FIBP: variants seen among roughly 807,000 people sequenced by gnomAD.
FIBP encodes FGF1 intracellular binding protein.
Under a neutral mutation model 40.5 loss-of-function variants are expected in FIBP, and 29 were observed. That is an observed-to-expected ratio of 0.72 (90% CI 0.53 to 0.98). The LOEUF is 0.98. FIBP is among the 50% of genes least tolerant of loss of function. FIBP has a pLI of 0.00. For synonymous variants in FIBP, 215 were observed against 191.1 expected, an observed-to-expected ratio of 1.13 and a Z score of -1.03; for missense variants, 411 against 470.2, an observed-to-expected ratio of 0.87 and a Z score of 1.16.
chr11:65,887,470 G>T, intron 3 of FIBP, 130 bp downstream of exon 3: 2 of 1,045,410 alleles, frequency 1.9e-6, no homozygotes, highest in Non-Finnish European at 2.9e-6. Context: ...AAAAGGAGGG[G>T]AAAGGGGAAG....
In FIBP at chr11:65,887,899, T is replaced by C. The variant is rs745653687; in HGVS notation, c.284+35A>G. On this transcript the variant is annotated intron_variant, in intron 2 of 9. Coordinates refer to ENST00000357519, the MANE Select transcript of FIBP (RefSeq NM_004214.5). ...CGGCAAAATGGGTATACAGTCAGAC[T>C]GGTTGATGTCTCCACCATCCCAGAG... 9.3e-6 allele frequency: 15 copies of C among 1,605,740 alleles called. No individual in the cohort carries two copies. In the South Asian group the frequency reaches 1.6e-4, roughly 17 times the overall value.
chr11:65,887,464 G>T, intron 3 of FIBP, 136 bp downstream of exon 3: 4 of 871,840 alleles, frequency 4.6e-6, no homozygotes, highest in Non-Finnish European at 7.2e-6. Flanking sequence ...AAAAAAAAAA[G>T]GAGGGGAAAG....
At chr11:65,887,086 G>C in intron 3 of FIBP, 1 of 226,830 alleles carries the variant, frequency 4.4e-6, no homozygotes, top group South Asian at 5.4e-5. Context: ...AGTTTATCAG[G>C]GGTCTGATAA....
At position 65,884,474 on chromosome 11, in the gene FIBP, G is replaced by A. The variant is rs115308499; in HGVS notation, c.922C>T (p.Arg308Cys). Residue 308 changes from arginine to cysteine, a missense_variant, in exon 9 of 10, where the codon CGC (arginine) becomes TGC (cysteine). Transcript: ENST00000357519. ...TCGCTGAGTGGCCAGTGGTCGGAGC[G>A]GCAGGGTTCCACAAACTGCGGGCCC... ...DLVEKFVEPCRSDHWPLSDVR... is the reference protein window; with the variant it reads ...DLVEKFVEPCCSDHWPLSDVR... The A allele has an allele frequency of 1.9e-5, 30 of 1,614,156 alleles. No homozygotes were observed. Among genetic ancestry groups the A allele is most frequent in the South Asian group, 3.3e-5 (3 of 91,074 alleles).
In FIBP at chr11:65,883,957, G is replaced by A. The variant is rs894642407; in HGVS notation, c.*17C>T. The A allele has an allele frequency of 3.7e-6, 6 of 1,612,148 alleles. No homozygotes were observed. The highest frequency in any genetic ancestry group is 1.1e-5 in the South Asian group (1 of 90,918). Reference sequence around the variant, plus strand: ...AGCAACTTTATTGTCAGCGTGGGCGGAGCGTTGGGAGGCACCTCAGTCATG... The same window carrying A: ...AGCAACTTTATTGTCAGCGTGGGCGAAGCGTTGGGAGGCACCTCAGTCATG... On this transcript the variant is annotated 3_prime_UTR_variant, in exon 10 of 10. Coordinates refer to ENST00000357519, the MANE Select transcript of FIBP (RefSeq NM_004214.5).
rs1860154459 is a variant in FIBP at position 65,883,816 on chromosome 11, G to A, written c.*158C>T. ...CCTGAGATATGTCTCAGTTCCCAAGGAGCCACTGTACACATCCATCCTTGT... is the reference window on the plus strand; with the variant it reads ...CCTGAGATATGTCTCAGTTCCCAAGAAGCCACTGTACACATCCATCCTTGT... On this transcript the variant is annotated 3_prime_UTR_variant, in exon 10 of 10. Transcript: ENST00000357519. The A allele has an allele frequency of 2.7e-6, 2 of 750,026 alleles. No homozygotes were observed. The highest frequency in any genetic ancestry group is 4.6e-5 in the Admixed American group (2 of 43,014). 46.5% of individuals were successfully genotyped at this position (750,026 alleles called of 1,614,324 possible).
intron 1 of FIBP, 88 bp from the exon 2 acceptor site, chr11:65,888,220 T>C (rs1860296039): frequency 3.4e-6 from 5 of 1,472,204 alleles, no homozygotes; most frequent in African/African-American, 1.4e-5. Context: ...TAACACCTCT[T>C]ATTCCCAGGC....
intron 5 of FIBP, 50 bp from the exon 6 acceptor site, chr11:65,885,236 G>T: frequency 7.4e-7 from 1 of 1,344,248 alleles, no homozygotes; most frequent in Non-Finnish European, 1.1e-6. Flanking sequence ...CCCCTCCTGT[G>T]ATAGCCTAAG....
chr11:65,887,657 T>C lies in FIBP; in HGVS notation c.354A>G (p.Lys118=). The C allele has an allele frequency of 6.2e-7, 1 of 1,614,144 alleles. No homozygotes were observed. The highest frequency in any genetic ancestry group is 8.5e-7 in the Non-Finnish European group (1 of 1,180,014). The part of the protein sequence containing the change: ...LGKKLSKGTK[K]DLDDISTKTG... ...TTTTGGTGCTGATGTCATCCAGGTC[T>C]TTCTTGGTGCCTTTGGACAGCTTCT... The change falls in exon 3 of 10, where the codon AAA becomes AAG. Residue 118 remains lysine (K), a synonymous_variant. Transcript: ENST00000357519.
chr11:65,884,951 A>G lies in FIBP; in HGVS notation c.803T>C (p.Met268Thr). 1.2e-6 allele frequency: 2 copies of G among 1,614,214 alleles called. No individual in the cohort carries two copies. Among genetic ancestry groups the G allele is most frequent in the African/African-American group, 1.3e-5 (1 of 75,052 alleles). The change falls in exon 7 of 10, where the codon ATG (methionine) becomes ACG (threonine). Residue 268 changes from methionine (M) to threonine (T), a missense_variant. Transcript: ENST00000357519. ...LRGKLGVFSE[M>T]EANFKNLSRG... ...ACCACAGACCTTGAAGTTGGCTTCC[A>G]TCTCAGAGAAGACGCCCAGCTTTCC...
chr11:65,886,220 C>T, intron 4 of FIBP, 102 bp downstream of exon 4: 1 of 718,220 alleles, frequency 1.4e-6, no homozygotes, highest in Non-Finnish European at 2.5e-6. Context: ...TAATCATTCC[C>T]CCAGCATACT....
Position 65,884,011 on chromosome 11 carries a change from G to A in FIBP, c.1037C>T (p.Thr346Ile), listed in dbSNP as rs763382803. Reference sequence around the variant, plus strand: ...CAGGCGCAGGAGGCAGCCGCGGAGGGTGCCCATGTAGCGGTCCCAGAGGGC... The same window carrying A: ...CAGGCGCAGGAGGCAGCCGCGGAGGATGCCCATGTAGCGGTCCCAGAGGGC... ...HQALWDRYMG[T>I]LRGCLLRLYH... is the part of the protein sequence containing the mutation. The change falls in exon 10 of 10, where the codon ACC (threonine) becomes ATC (isoleucine). Residue 346 changes from threonine to isoleucine, a missense_variant. Thr to Ile is a moderately conservative substitution (Grantham distance 89, BLOSUM62 -1). Transcript: ENST00000357519. The A allele has an allele frequency of 6.2e-7, 1 of 1,613,986 alleles. No individual in the cohort carries two copies. Among genetic ancestry groups the A allele is most frequent in the Non-Finnish European group, 8.5e-7 (1 of 1,179,976 alleles).
rs1018683392 is a variant in FIBP, at chr11:65,885,667, C to T, written c.513-4G>A. The T allele has an allele frequency of 1.2e-6, 2 of 1,608,498 alleles. No homozygotes were observed. The highest frequency in any genetic ancestry group is 1.7e-6 in the Non-Finnish European group (2 of 1,176,494). ...GAAGACGATGGCTGCATAGTCCCTG[C>T]ACAGACGAGAGGAGGGTCCTCTTAG... On this transcript the variant is annotated splice_region_variant and splice_polypyrimidine_tract_variant and intron_variant, in intron 4 of 9. Transcript: ENST00000357519.
chr11:65,885,105 T>A lies in FIBP; in HGVS notation c.728A>T (p.Asp243Val). 3 of 1,612,620 alleles carry A rather than the reference T, an allele frequency of 1.9e-6. No homozygotes were observed. Among genetic ancestry groups the A allele is most frequent in the Non-Finnish European group, 2.5e-6 (3 of 1,179,808 alleles). Residue 243 changes from aspartate to valine, a missense_variant, in exon 6 of 10, where the codon GAC becomes GTC. Coordinates refer to ENST00000357519, the MANE Select transcript of FIBP (RefSeq NM_004214.5). ...DLKELKVLVA[D>V]KDLLDLHKSL... is the part of the protein sequence containing the mutation. ...CTTGTGCAGGTCCAGAAGGTCCTTG[T>A]CAGCCACTAGCACCTTGAGCTCCTT...
chr11:65,887,184 C>A (rs1181424367), intron 3 of FIBP: 5 of 342,548 alleles, frequency 1.5e-5, no homozygotes, highest in Non-Finnish European at 2.8e-5. Flanking sequence ...CGGTGGCTCA[C>A]GCCTGTAATG....
intron 7 of FIBP, 84 bp downstream of exon 7, chr11:65,884,851 C>T: frequency 1.9e-6 from 3 of 1,543,014 alleles, no homozygotes; most frequent in Non-Finnish European, 2.7e-6. Flanking sequence ...CGGCCAATCC[C>T]TGGCAGGGGC....
At chr11:65,884,820 G>C in intron 7 of FIBP, 115 bp downstream of exon 7, 1 of 1,388,628 alleles carries the variant, frequency 7.2e-7, no homozygotes. Flanking sequence ...GGCCACCAGA[G>C]GGAGCAGCAG....
At chr11:65,884,871 C>T (rs929444881) in intron 7 of FIBP, 64 bp downstream of exon 7, 18 of 1,584,000 alleles carry the variant, frequency 1.1e-5, no homozygotes, top group African/African-American at 1.1e-4. Flanking sequence ...CAGAGCTGCC[C>T]GGTAGGGGTG....
At position 65,883,915 on chromosome 11, in the gene FIBP, C is replaced by T. The variant is rs1220196424; in HGVS notation, c.*59G>A. 2.0e-6 allele frequency: 3 copies of T among 1,482,664 alleles called. No individual in the cohort carries two copies. The highest frequency in any genetic ancestry group is 1.9e-6 in the Non-Finnish European group (2 of 1,066,942). 91.8% of individuals were successfully genotyped at this position (1,482,664 alleles called of 1,614,324 possible). On this transcript the variant is annotated 3_prime_UTR_variant, in exon 10 of 10. Transcript: ENST00000357519. ...CCCCACTTGCTCCCCGGAGCGAGGA[C>T]CAGTCTCCAAACTCAGAGCAACTTT...
Sources: gnomAD v4.1 joint callset for allele counts on GRCh38, gnomAD v4.1.1 for gene constraint, MANE v1.5 for transcripts, NCBI Gene and HGNC (gene_info 2026-07-23, HGNC 2026-07-21) for gene names.